LAMA2: variants seen among roughly 807,000 people sequenced by gnomAD.
LAMA2 encodes the protein laminin subunit alpha-2.
LAMA2 carries 269 observed loss-of-function variants against 364.8 expected under a neutral mutation model. That is an observed-to-expected ratio of 0.74 (90% confidence interval 0.67 to 0.82). LAMA2 has a LOEUF of 0.82. Ranked by LOEUF, LAMA2 falls within the 40% of genes least tolerant of loss-of-function variation. LAMA2 has a pLI of 0.00. For missense variants in LAMA2, 3,807 were observed against 3,873.2 expected, an observed-to-expected ratio of 0.98 and a Z score of 0.45; for synonymous variants, 1,379 against 1,370.6, an observed-to-expected ratio of 1.01 and a Z score of -0.14.
At chr6:129,297,931 AGTTT>A in intron 21 of LAMA2, 66 bp downstream of exon 21, 1 of 1,371,784 alleles carries the variant, frequency 7.3e-7, no homozygotes, top group Non-Finnish European at 1.0e-6. Context: ...CTTCTGTAAC[AGTTT>A]GTTCTTTTAA....
chr6:129,270,780 G>T, intron 17 of LAMA2, 29 bp downstream of exon 17: 1 of 1,609,748 alleles, frequency 6.2e-7, no homozygotes, highest in Non-Finnish European at 8.5e-7. Context: ...CCATGAATAA[G>T]CTCAGCATCC....
intron 17 of LAMA2, among the ~76,000 whole-genome samples, 188 bp from the exon 18 acceptor site, chr6:129,279,873 G>A (rs772770454): frequency 2.0e-5 from 3 of 152,080 alleles, no homozygotes; most frequent in Non-Finnish European, 2.9e-5. Context: ...CTATATTCAC[G>A]TCTGCAGAAA....
intron 1 of LAMA2, among the ~76,000 whole-genome samples, chr6:129,029,931 A>G (rs1432402426): frequency 6.6e-6 from 1 of 152,076 alleles, no homozygotes; most frequent in Non-Finnish European, 1.5e-5. Flanking sequence ...AGATCTGCTT[A>G]CATATTAAAG....
chr6:129,132,168 C>CTTT (rs1179325141), intron 4 of LAMA2, among the ~76,000 whole-genome samples: 1 of 140,130 alleles, frequency 7.1e-6, no homozygotes, highest in Non-Finnish European at 1.6e-5. Flanking sequence ...TGACCTTACT[C>CTTT]TTTTTTTTTT....
At chr6:129,261,692 C>T (rs896315249) in intron 15 of LAMA2, among the ~76,000 whole-genome samples, 14 of 152,180 alleles carry the variant, frequency 9.2e-5, no homozygotes, top group African/African-American at 3.4e-4. Flanking sequence ...ATACTCTAGG[C>T]ATTGCTTTGT....
chr6:129,314,838 T>G (rs773923833), intron 24 of LAMA2, 40 bp downstream of exon 24: 85 of 1,609,722 alleles, frequency 5.3e-5, no homozygotes, highest in Non-Finnish European at 1.4e-5. Flanking sequence ...GGTATAATGT[T>G]AGTTCCTGCT....
intron 24 of LAMA2, 108 bp downstream of exon 24, chr6:129,314,906 C>A: frequency 8.8e-7 from 1 of 1,140,184 alleles, no homozygotes; most frequent in Non-Finnish European, 1.3e-6. Flanking sequence ...TTTAAGTAAC[C>A]TTTTCCTCTG....
At chr6:129,328,466 C>T (rs1775436952) in intron 29 of LAMA2, 54 bp downstream of exon 29, 1 of 1,613,494 alleles carries the variant, frequency 6.2e-7, no homozygotes, top group Non-Finnish European at 8.5e-7. Flanking sequence ...CCTCTTTACA[C>T]ATGCTCAGCA....
At chr6:129,152,360 T>C (rs531795901) in intron 7 of LAMA2, among the ~76,000 whole-genome samples, 2 of 152,318 alleles carry the variant, frequency 1.3e-5, no homozygotes, top group East Asian at 3.9e-4. Flanking sequence ...TCATATCTAC[T>C]AGAGGAAAAG....
intron 1 of LAMA2, among the ~76,000 whole-genome samples, chr6:128,941,077 C>T (rs1780123853): frequency 6.6e-6 from 1 of 152,106 alleles, no homozygotes; most frequent in Non-Finnish European, 1.5e-5. Context: ...AAGTTAAGAG[C>T]AATGATGTGG....
At chr6:129,458,546 A>G (rs1359671436) in intron 48 of LAMA2, among the ~76,000 whole-genome samples, 1 of 151,998 alleles carries the variant, frequency 6.6e-6, no homozygotes, top group Non-Finnish European at 1.5e-5. Context: ...GGATGCAAGA[A>G]GAAGCAAAAA....
In LAMA2 at chr6:129,159,006, A is replaced by C; in HGVS notation, c.1206+4323A>C. ...CCATTTTCTGACTTTTTCTGGTCGG[A>C]GTCTGATTTCATCCCAGTGCCGTGG... On this transcript the variant is annotated intron_variant, in intron 8 of 64. Transcript: ENST00000421865. The C allele has an allele frequency of 7.6e-6, 12 of 1,587,244 alleles. No homozygotes were observed. In the South Asian group the frequency reaches 1.3e-4, roughly 18 times the overall value.
At position 129,120,244 on chromosome 6, in the gene LAMA2, A is replaced by T. The variant is rs1016107215; in HGVS notation, c.639+21829A>T. Among the ~76,000 whole-genome samples, 4 of 152,238 alleles carry T rather than the reference A, an allele frequency of 2.6e-5. No homozygotes were observed. In the South Asian group the frequency reaches 8.3e-4, roughly 31 times the overall value. ...ATGCGTGAGTCATCAACACAATAAG[A>T]TAAGGCTAAAATTGAGTTTCAGATA... is the stretch of plus-strand genomic sequence containing the variant. On this transcript the variant is annotated intron_variant, in intron 4 of 64. Coordinates refer to ENST00000421865, the MANE Select transcript of LAMA2 (RefSeq NM_000426.4).
At position 129,493,900 on chromosome 6, in the gene LAMA2, T is replaced by C. The variant is rs1280472851; in HGVS notation, c.8244+1417T>C. ...TTATTCTACTTTTAATAGACCATGG[T>C]AGGCTATTGAGAGTGTTTCCAGTTT... On this transcript the variant is annotated intron_variant, in intron 58 of 64. Coordinates refer to ENST00000421865, the MANE Select transcript of LAMA2 (RefSeq NM_000426.4). Among the ~76,000 whole-genome samples, 2 of 152,172 alleles carry C rather than the reference T, an allele frequency of 1.3e-5. 1 individual carries two copies. Among genetic ancestry groups the C allele is most frequent in the East Asian group, 3.9e-4 (2 of 5,192 alleles).
intron 30 of LAMA2, among the ~76,000 whole-genome samples, chr6:129,344,669 A>G (rs1488011582): frequency 1.3e-5 from 2 of 152,078 alleles, no homozygotes; most frequent in African/African-American, 2.4e-5. Flanking sequence ...AGAATGAAAG[A>G]CAGGACTTTA....
intron 3 of LAMA2, among the ~76,000 whole-genome samples, chr6:129,090,932 T>G (rs1440968501): frequency 6.6e-6 from 1 of 152,188 alleles, no homozygotes; most frequent in Non-Finnish European, 1.5e-5. Context: ...TGTAGCATCC[T>G]GTGTACTATA....
At chr6:129,158,121 A>T in intron 8 of LAMA2, 1 of 1,606,440 alleles carries the variant, frequency 6.2e-7, no homozygotes, top group African/African-American at 1.4e-5. Flanking sequence ...TGAATAAGCC[A>T]ATTTAAGCAG....
chr6:128,948,363 T>C (rs372598165), intron 1 of LAMA2, among the ~76,000 whole-genome samples: 1 of 152,190 alleles, frequency 6.6e-6, no homozygotes, highest in Non-Finnish European at 1.5e-5. Context: ...TCCCAGTTTA[T>C]GTATTTCAAG....
At chr6:129,494,420 A>G (rs1035146860) in intron 58 of LAMA2, among the ~76,000 whole-genome samples, 15 of 152,252 alleles carry the variant, frequency 9.9e-5, no homozygotes, top group African/African-American at 3.6e-4. Flanking sequence ...ACATAGAGTT[A>G]TGAAAAATCA....
Sources: gnomAD v4.1 joint callset for allele counts (sites outside exome capture counted in the v4.1 genomes callset) on GRCh38, gnomAD v4.1.1 for gene constraint, MANE v1.5 for transcripts, NCBI Gene and HGNC (gene_info 2026-07-23, HGNC 2026-07-21) for gene names.